The following COG5 variants were observed in gnomAD, a reference collection of about 807,000 sequenced individuals.
COG5 encodes the protein conserved oligomeric Golgi complex subunit 5.
A neutral mutation model predicts 110.4 loss-of-function variants in COG5; 86 were observed. The observed-to-expected ratio is 0.78, with a 90% CI of 0.65 to 0.93. The LOEUF (loss-of-function observed/expected upper bound fraction) is 0.93, where lower values mean the gene tolerates loss of function less well. COG5 is among the 40% of genes least tolerant of loss of function. The pLI is 0.00. For synonymous variants in COG5, 360 were observed against 334.6 expected, an observed-to-expected ratio of 1.08 and a Z score of -0.83; for missense variants, 1,077 against 987.0, an observed-to-expected ratio of 1.09 and a Z score of -1.22.
At chr7:107,233,820 C>T (rs191180915) in intron 18 of COG5, among the ~76,000 whole-genome samples, 1 of 152,276 alleles carries the variant, frequency 6.6e-6, no homozygotes, top group Non-Finnish European at 1.5e-5. Context: ...TAGAGTAATG[C>T]TATTTAAATG....
chr7:107,327,810 G>A (rs996387570), intron 10 of COG5, among the ~76,000 whole-genome samples: 2 of 152,188 alleles, frequency 1.3e-5, no homozygotes, highest in Admixed American at 6.5e-5. Flanking sequence ...AAGTCTCAGC[G>A]AGGATGTGGA....
At chr7:107,499,196 G>T (rs1293128185) in intron 6 of COG5, among the ~76,000 whole-genome samples, 1 of 152,082 alleles carries the variant, frequency 6.6e-6, no homozygotes, top group Non-Finnish European at 1.5e-5. Flanking sequence ...TTTTAGTAAA[G>T]CAAGATAAGT....
At chr7:107,279,807 C>A (rs1805021375) in intron 14 of COG5, among the ~76,000 whole-genome samples, 1 of 152,046 alleles carries the variant, frequency 6.6e-6, no homozygotes, top group Non-Finnish European at 1.5e-5. Flanking sequence ...TTTCTGTTAG[C>A]CTTCAACACT....
At chr7:107,235,997 T>C (rs1394659608) in intron 18 of COG5, among the ~76,000 whole-genome samples, 1 of 152,208 alleles carries the variant, frequency 6.6e-6, no homozygotes, top group Admixed American at 6.5e-5. Context: ...AGACTCTATG[T>C]CTACCTGGCC....
intron 12 of COG5, among the ~76,000 whole-genome samples, chr7:107,289,476 C>T (rs1206237412): frequency 1.3e-5 from 2 of 151,994 alleles, no homozygotes; most frequent in Non-Finnish European, 2.9e-5. Flanking sequence ...TTTAACTATT[C>T]TGGGTCCCTT....
At chr7:107,424,696 A>G (rs920565505) in intron 6 of COG5, among the ~76,000 whole-genome samples, 1 of 152,180 alleles carries the variant, frequency 6.6e-6, no homozygotes, top group African/African-American at 2.4e-5. Flanking sequence ...ACGGAAACAG[A>G]TATTAATTCT....
At chr7:107,276,365 A>C (rs1562946484) in intron 14 of COG5, among the ~76,000 whole-genome samples, 1 of 152,206 alleles carries the variant, frequency 6.6e-6, no homozygotes, top group Non-Finnish European at 1.5e-5. Context: ...GATAAGAAAA[A>C]CACTAATTCA....
intron 17 of COG5, among the ~76,000 whole-genome samples, chr7:107,240,446 C>A (rs578120784): frequency 1.3e-5 from 2 of 152,302 alleles, no homozygotes; most frequent in South Asian, 4.1e-4. Flanking sequence ...AAACTCCTGA[C>A]CTCAAGTGAT....
intron 6 of COG5, among the ~76,000 whole-genome samples, chr7:107,521,113 T>A (rs1013680275): frequency 6.6e-6 from 1 of 152,094 alleles, no homozygotes; most frequent in African/African-American, 2.4e-5. Flanking sequence ...GAAACTGCAC[T>A]CCTTCCTTAT....
chr7:107,320,517 C>T (rs1160155496), intron 11 of COG5, among the ~76,000 whole-genome samples: 2 of 152,152 alleles, frequency 1.3e-5, no homozygotes, highest in Non-Finnish European at 2.9e-5. Context: ...ACATCAGCAA[C>T]ACTAAGAGAT....
intron 7 of COG5, among the ~76,000 whole-genome samples, chr7:107,406,148 A>C (rs1418569346): frequency 6.6e-6 from 1 of 152,220 alleles, no homozygotes; most frequent in Non-Finnish European, 1.5e-5. Flanking sequence ...ATAAACTATG[A>C]TAATATGATA....
chr7:107,395,476 C>T (rs1045200306), intron 7 of COG5, among the ~76,000 whole-genome samples: 13 of 148,226 alleles, frequency 8.8e-5, no homozygotes, highest in Admixed American at 2.0e-4. Context: ...TACTAAAAAG[C>T]GATACAGCTT....
intron 6 of COG5, among the ~76,000 whole-genome samples, chr7:107,503,025 A>C (rs1798733163): frequency 6.6e-6 from 1 of 151,386 alleles, no homozygotes; most frequent in Non-Finnish European, 1.5e-5. Flanking sequence ...GGTCCCATTT[A>C]TTTATTTTTG....
chr7:107,402,520 G>A (rs1476280696), intron 7 of COG5, among the ~76,000 whole-genome samples: 2 of 152,158 alleles, frequency 1.3e-5, no homozygotes, highest in African/African-American at 2.4e-5. Flanking sequence ...CTATGGTGAC[G>A]CAGGAACTGA....
intron 1 of COG5, among the ~76,000 whole-genome samples, chr7:107,559,413 A>C (rs1181714017): frequency 6.6e-6 from 1 of 152,214 alleles, no homozygotes; most frequent in Non-Finnish European, 1.5e-5. Flanking sequence ...TGAAACAAAC[A>C]AAATAGAGTA....
At chr7:107,536,193 C>A (rs1046603760) in intron 5 of COG5, among the ~76,000 whole-genome samples, 5 of 151,040 alleles carry the variant, frequency 3.3e-5, no homozygotes, top group African/African-American at 9.7e-5. Flanking sequence ...CATAGCATTC[C>A]CTTTGAAAAC....
intron 12 of COG5, among the ~76,000 whole-genome samples, chr7:107,292,182 G>A (rs1330916475): frequency 6.6e-6 from 1 of 152,136 alleles, no homozygotes; most frequent in Non-Finnish European, 1.5e-5. Context: ...GACTACAGGT[G>A]TGGACTACCA....
At chr7:107,373,733 G>T (rs1482001830) in intron 7 of COG5, among the ~76,000 whole-genome samples, 1 of 152,142 alleles carries the variant, frequency 6.6e-6, no homozygotes, top group Non-Finnish European at 1.5e-5. Flanking sequence ...TACCAAGCTA[G>T]AAGTTGAGAC....
chr7:107,496,671 A>C (rs1798294856), intron 6 of COG5, among the ~76,000 whole-genome samples: 3 of 151,672 alleles, frequency 2.0e-5, no homozygotes, highest in East Asian at 1.9e-4. Context: ...AAAAAAACAA[A>C]AAACAAAAAA....
Sources: gnomAD v4.1 joint callset for allele counts (sites outside exome capture counted in the v4.1 genomes callset) on GRCh38, gnomAD v4.1.1 for gene constraint, MANE v1.5 for transcripts, NCBI Gene and HGNC (gene_info 2026-07-23, HGNC 2026-07-21) for gene names.